Variants in AGO4 observed in about 807,000 individuals in gnomAD.
AGO4 encodes the protein argonaute RISC component 4.
Under a neutral mutation model 104.7 loss-of-function variants are expected in AGO4, and 33 were observed. The ratio of observed to expected loss-of-function variants is 0.32; its 90% confidence interval spans 0.24 to 0.42. AGO4 has a LOEUF of 0.42. Among genes scored for constraint, AGO4 ranks in the 10% least tolerant of loss-of-function variants. AGO4 has a pLI of 1.00. For synonymous variants in AGO4, 331 were observed against 364.7 expected (o/e 0.91, Z 1.05); for missense variants, 711 against 1,083.4 (o/e 0.66, Z 4.83).
At chr1:35,812,835 G>T (rs1290838271) in intron 1 of AGO4, among the ~76,000 whole-genome samples, 3 of 151,960 alleles carry the variant, frequency 2.0e-5, no homozygotes. Flanking sequence ...CAGGTGATCT[G>T]CCCGCTTCAG....
chr1:35,818,658 A>AAAGAAAGAAAGAAAGGAAGGAAGGAAGG (rs1553144552), intron 2 of AGO4, among the ~76,000 whole-genome samples: 1 of 61,512 alleles, frequency 1.6e-5, no homozygotes, highest in African/African-American at 5.7e-5. Flanking sequence ...AGAAAGAAAG[A>AAAGAAAGAAAGAAAGGAAGGAAGGAAGG]AAGGAAGAAA....
At chr1:35,822,723 A>G in intron 2 of AGO4, 139 bp from the exon 3 acceptor site, 1 of 1,030,436 alleles carries the variant, frequency 9.7e-7, no homozygotes, top group Non-Finnish European at 1.4e-6. Flanking sequence ...TTTTTAAAGT[A>G]CTCGAATCAA....
Position 35,841,552 on chromosome 1 carries a change from T to C in AGO4, c.2041-64T>C. On this transcript the variant is annotated intron_variant, in intron 14 of 17. Transcript: ENST00000373210. This position sits in a 1 kb window ranked among gnomAD's most constrained non-coding sequence, Gnocchi z 4.7. ...GGGAGATTCCTCTCATCTACCATTC[T>C]GGGTAGATCTGAGAGATACTAGGCA... is the stretch of plus-strand genomic sequence containing the variant. 2.5e-6 allele frequency: 4 copies of C among 1,609,824 alleles called. No homozygotes were observed. Among genetic ancestry groups the C allele is most frequent in the South Asian group, 1.1e-5 (1 of 90,952 alleles).
At chr1:35,846,624 TA>T in intron 15 of AGO4, among the ~76,000 whole-genome samples, 2 of 150,474 alleles carry the variant, frequency 1.3e-5, no homozygotes, top group Admixed American at 6.6e-5. Flanking sequence ...TATATATATA[TA>T]TATATTTAGG....
At position 35,854,965 on chromosome 1, in the gene AGO4, C is replaced by A. The variant is rs138991047; in HGVS notation, c.*1360C>A. ...CTTAATAGATTCTGGATTCCACTCA[C>A]AGGGAGATGGGATTCCTTTCTTGTC... On this transcript the variant is annotated 3_prime_UTR_variant, in exon 18 of 18. Coordinates refer to ENST00000373210, the MANE Select transcript of AGO4 (RefSeq NM_017629.4). 4.9e-4 allele frequency: 75 copies of A among 152,768 alleles called. No homozygotes were observed. Among genetic ancestry groups the A allele is most frequent in the African/African-American group, 1.7e-3 (71 of 41,562 alleles). 9.5% of individuals were successfully genotyped at this position (152,768 alleles called of 1,614,324 possible).
At position 35,822,955 on chromosome 1, in the gene AGO4, A is replaced by C; in HGVS notation, c.279A>C (p.Ala93=). The C allele has an allele frequency of 1.2e-6, 2 of 1,614,134 alleles. No homozygotes were observed. The highest frequency in any genetic ancestry group is 1.7e-6 in the Non-Finnish European group (2 of 1,179,988). ...GYDGKRNMYT[A]HPLPIGRDRV... ...ATGGCAAAAGAAACATGTACACAGC[A>C]CATCCACTACCAATTGGACGGGATA... is the stretch of plus-strand genomic sequence containing the variant. The change falls in exon 3 of 18, where the codon GCA becomes GCC. Residue 93 remains alanine (A), a synonymous_variant. Transcript: ENST00000373210.
At chr1:35,814,085 AAGAG>A (rs1158006720) in intron 1 of AGO4, among the ~76,000 whole-genome samples, 5 of 151,760 alleles carry the variant, frequency 3.3e-5, no homozygotes, top group South Asian at 4.2e-4. Flanking sequence ...AAAAAAAAAA[AAGAG>A]AGAGAAAGAG....
rs556074428 is a variant in AGO4, at chr1:35,856,675, A to G, written c.*3070A>G. On this transcript the variant is annotated 3_prime_UTR_variant, in exon 18 of 18. Coordinates refer to ENST00000373210, the MANE Select transcript of AGO4 (RefSeq NM_017629.4). ...GTGAAACCCCATCTCTACTAAAAAT[A>G]CAGAAAATTAGCTGGGTCTGGTGGT... is the stretch of plus-strand genomic sequence containing the variant. The G allele has an allele frequency of 2.6e-5, 4 of 152,362 alleles. No individual in the cohort carries two copies. The highest frequency in any genetic ancestry group is 9.6e-5 in the African/African-American group (4 of 41,552). 9.4% of individuals were successfully genotyped at this position (152,362 alleles called of 1,614,324 possible). A position where few individuals can be genotyped will look rare whatever the true frequency, so the allele number is the denominator to read the frequency against.
At position 35,855,326 on chromosome 1, in the gene AGO4, T is replaced by C. The variant is rs535712205; in HGVS notation, c.*1721T>C. Reference sequence around the variant, plus strand: ...GGAAATGATGGTGAAGGGTGTTTGCTTGAACTCATGAGACGGTCCAAATCT... The same window carrying C: ...GGAAATGATGGTGAAGGGTGTTTGCCTGAACTCATGAGACGGTCCAAATCT... On this transcript the variant is annotated 3_prime_UTR_variant, in exon 18 of 18. Coordinates refer to ENST00000373210, the MANE Select transcript of AGO4 (RefSeq NM_017629.4). 1.3e-5 allele frequency: 2 copies of C among 152,814 alleles called. No homozygotes were observed. The highest frequency in any genetic ancestry group is 2.1e-4 in the South Asian group (1 of 4,832). 9.5% of individuals were successfully genotyped at this position (152,814 alleles called of 1,614,324 possible).
rs1170312140 is a variant in AGO4 at position 35,826,033 on chromosome 1, C to T, written c.733C>T (p.Arg245Cys). ...GACCAAACCTCTAACAGACTCCCAG[C>T]GTGTCAAATTTACCAAAGAAATCAG... The part of the protein sequence containing the change: ...EQTKPLTDSQ[R>C]VKFTKEIRGL... The change falls in exon 6 of 18, where the codon CGT becomes TGT. Residue 245 changes from arginine to cysteine, a missense_variant. This residue lies in a region of AGO4 where 308 missense variants were observed against 397.8 expected (regional missense o/e 0.77). Transcript: ENST00000373210. 1.9e-6 allele frequency: 3 copies of T among 1,614,062 alleles called. No homozygotes were observed. Among genetic ancestry groups the T allele is most frequent in the South Asian group, 1.1e-5 (1 of 91,080 alleles).
Position 35,826,817 on chromosome 1 carries a change from G to T in AGO4, c.830G>T (p.Arg277Leu). ...TACCGAGTTTGTAATGTGACTAGAC[G>T]GCCAGCCAGTCATCAAACGTATGTT... ...RKYRVCNVTRRPASHQTFPLQ... is the reference protein window; with the variant it reads ...RKYRVCNVTRLPASHQTFPLQ... Residue 277 changes from arginine to leucine, a missense_variant, in exon 7 of 18, where the codon CGG becomes CTG. Transcript: ENST00000373210. 6.2e-7 allele frequency: 1 copy of T among 1,614,042 alleles called. No individual in the cohort carries two copies. Among genetic ancestry groups the T allele is most frequent in the Non-Finnish European group, 8.5e-7 (1 of 1,179,972 alleles).
chr1:35,808,495 G>A lies in AGO4; in HGVS notation c.19+60G>A, dbSNP rs1265574136. Reference sequence around the variant, plus strand: ...GACCCGGGACCCGGGGCGGGCGGCCGGGACTTTCGCTGCCCCGTCGCCTCG... The same window carrying A: ...GACCCGGGACCCGGGGCGGGCGGCCAGGACTTTCGCTGCCCCGTCGCCTCG... On this transcript the variant is annotated intron_variant, in intron 1 of 17. Coordinates refer to ENST00000373210, the MANE Select transcript of AGO4 (RefSeq NM_017629.4). This position sits in a 1 kb window ranked among gnomAD's most constrained non-coding sequence, Gnocchi z 5.2. 3.4e-6 allele frequency: 4 copies of A among 1,176,860 alleles called. No individual in the cohort carries two copies. Among genetic ancestry groups the A allele is most frequent in the Admixed American group, 4.6e-5 (1 of 21,840 alleles). The allele number at this position is 1,176,860 out of a possible 1,614,324, so 72.9% of individuals were successfully genotyped here. A position where few individuals can be genotyped will look rare whatever the true frequency, so the allele number is the denominator to read the frequency against.
chr1:35,820,323 G>A (rs923603077), intron 2 of AGO4, among the ~76,000 whole-genome samples: 2 of 152,012 alleles, frequency 1.3e-5, no homozygotes, highest in Non-Finnish European at 1.5e-5. Flanking sequence ...ATGTTCAGAC[G>A]GGGAGAAACT....
In AGO4 at chr1:35,841,721, C is replaced by T. The variant is rs1644447519; in HGVS notation, c.2146C>T (p.Arg716Ter). The T allele has an allele frequency of 2.5e-6, 4 of 1,613,646 alleles. No homozygotes were observed. The highest frequency in any genetic ancestry group is 3.4e-6 in the Non-Finnish European group (4 of 1,179,924). The change falls in exon 15 of 18, where the codon CGA becomes TGA. Residue 716 changes from arginine (R) to a stop codon, truncating the protein, a stop_gained. Coordinates refer to ENST00000373210, the MANE Select transcript of AGO4 (RefSeq NM_017629.4). LOFTEE classifies it high-confidence loss of function. This position sits in a 1 kb window ranked among gnomAD's most constrained non-coding sequence, Gnocchi z 4.7. Reference protein sequence around the residue: ...YIVVQKRHHTRLFCADKTERV... With the variant: ...YIVVQKRHHT ...TGTGGTGCAAAAAAGACATCACACA[C>T]GACTCTTCTGTGCAGATAAAACAGA...
chr1:35,855,472 C>G lies in AGO4; in HGVS notation c.*1867C>G, dbSNP rs1015868833. The G allele has an allele frequency of 3.3e-5, 5 of 152,436 alleles. No homozygotes were observed. Among genetic ancestry groups the G allele is most frequent in the Non-Finnish European group, 2.9e-5 (2 of 68,004 alleles). 9.4% of individuals were successfully genotyped at this position (152,436 alleles called of 1,614,324 possible). Reference sequence around the variant, plus strand: ...ATGTGCTGTTGATCAACGGCGCCACCTGTGTTTGCTGAGACTGGTCTCTGA... The same window carrying G: ...ATGTGCTGTTGATCAACGGCGCCACGTGTGTTTGCTGAGACTGGTCTCTGA... On this transcript the variant is annotated 3_prime_UTR_variant, in exon 18 of 18. Coordinates refer to ENST00000373210, the MANE Select transcript of AGO4 (RefSeq NM_017629.4).
chr1:35,832,450 C>G lies in AGO4; in HGVS notation c.1259C>G (p.Ala420Gly). 6.2e-7 allele frequency: 1 copy of G among 1,600,060 alleles called. No homozygotes were observed. The highest frequency in any genetic ancestry group is 1.1e-5 in the South Asian group (1 of 89,738). The change falls in exon 11 of 18, where the codon GCC (alanine) becomes GGC (glycine). Residue 420 changes from alanine (A) to glycine (G), a missense_variant. Around this residue, in one of 3 missense-constraint regions of AGO4, gnomAD observed 401 missense variants for 665.5 expected, o/e 0.60. Coordinates refer to ENST00000373210, the MANE Select transcript of AGO4 (RefSeq NM_017629.4). ...LQYGGRNKTV[A>G]TPNQGVWDMR... ...TTTTTTTCAAAGAATAAAACAGTAGCCACACCCAACCAGGGTGTCTGGGAC... is the reference window on the plus strand; with the variant it reads ...TTTTTTTCAAAGAATAAAACAGTAGGCACACCCAACCAGGGTGTCTGGGAC...
rs1322226808 is a variant in AGO4 at position 35,838,425 on chromosome 1, G to T, written c.1724+2432G>T. ...TGGTCTTGAACTCCTGGGCTTAAGTGATCCTTCCACCTTGGCCTCTGAAAG... is the reference window on the plus strand; with the variant it reads ...TGGTCTTGAACTCCTGGGCTTAAGTTATCCTTCCACCTTGGCCTCTGAAAG... On this transcript the variant is annotated intron_variant, in intron 13 of 17. Coordinates refer to ENST00000373210, the MANE Select transcript of AGO4 (RefSeq NM_017629.4). Among the ~76,000 whole-genome samples, 3 of 151,952 alleles carry T rather than the reference G, an allele frequency of 2.0e-5. No individual in the cohort carries two copies. The South Asian group carries it at 6.2e-4, about 32-fold the overall frequency.
intron 2 of AGO4, 63 bp from the exon 3 acceptor site, chr1:35,822,799 G>A: frequency 1.9e-6 from 3 of 1,586,936 alleles, no homozygotes; most frequent in Non-Finnish European, 2.6e-6. Context: ...AAAGTATGAT[G>A]ATGCTTTTCT....
chr1:35,855,486 A>C lies in AGO4; in HGVS notation c.*1881A>C, dbSNP rs1206757212. On this transcript the variant is annotated 3_prime_UTR_variant, in exon 18 of 18. Coordinates refer to ENST00000373210, the MANE Select transcript of AGO4 (RefSeq NM_017629.4). ...AACGGCGCCACCTGTGTTTGCTGAGACTGGTCTCTGAGAGAGTTTTATGTC... is the reference window on the plus strand; with the variant it reads ...AACGGCGCCACCTGTGTTTGCTGAGCCTGGTCTCTGAGAGAGTTTTATGTC... 1 of 152,502 alleles carries C rather than the reference A, an allele frequency of 6.6e-6. No homozygotes were observed. The highest frequency in any genetic ancestry group is 1.5e-5 in the Non-Finnish European group (1 of 68,018). The allele number at this position is 152,502 out of a possible 1,614,324, so 9.4% of individuals were successfully genotyped here.
Sources: gnomAD v4.1 joint callset for allele counts (sites outside exome capture counted in the v4.1 genomes callset) on GRCh38, gnomAD v4.1.1 for gene constraint, gnomAD v4.1.1 regional missense constraint, Gnocchi (gnomAD v3.1) non-coding constraint, MANE v1.5 for transcripts, NCBI Gene and HGNC (gene_info 2026-07-23, HGNC 2026-07-21) for gene names.